Variants in ACAN observed in about 807,000 individuals in gnomAD.
ACAN encodes aggrecan.
In ACAN, 47 loss-of-function variants were observed where a neutral mutation model predicts 169.1. The ratio of observed to expected loss-of-function variants is 0.28; its 90% CI spans 0.22 to 0.35. ACAN has a LOEUF of 0.35. ACAN is among the 10% of genes least tolerant of loss of function. The pLI is 1.00. For missense variants in ACAN, 2,716 were observed against 2,759.9 expected (o/e 0.98, Z 0.36); for synonymous variants, 1,115 against 1,112.2 (o/e 1.00, Z -0.05).
Position 88,839,943 on chromosome 15 carries a change from G to A in ACAN, c.455-69G>A, listed in dbSNP as rs781576878. Reference sequence around the variant, plus strand: ...CCTTTGACTATTGCCATAATTCTGCGAGGGCCTCGGTGATCAGAGACTGTG... The same window carrying A: ...CCTTTGACTATTGCCATAATTCTGCAAGGGCCTCGGTGATCAGAGACTGTG... On this transcript the variant is annotated intron_variant, in intron 3 of 18. Transcript: ENST00000560601. The surrounding 1 kb of genome is among the most constrained non-coding windows in gnomAD (Gnocchi z 4.5). 3.0e-5 allele frequency: 46 copies of A among 1,532,606 alleles called. No homozygotes were observed. Among genetic ancestry groups the A allele is most frequent in the Non-Finnish European group, 4.0e-5 (45 of 1,131,302 alleles). The allele number at this position is 1,532,606 out of a possible 1,614,324, so 94.9% of individuals were successfully genotyped here.
In ACAN at chr15:88,807,810, G is replaced by A. The variant is rs957474355; in HGVS notation, c.-8+4001G>A. 6.6e-5 allele frequency among the ~76,000 whole-genome samples: 10 copies of A among 150,410 alleles called. No homozygotes were observed. The highest frequency in any genetic ancestry group is 2.2e-4 in the African/African-American group (9 of 40,934). ...TGCATGCTGGCAGGGCGGGCCCTGC[G>A]GGCTGGCCAGGCCTGTGAGAGGTGA... On this transcript the variant is annotated intron_variant, in intron 1 of 18. Transcript: ENST00000560601. The surrounding 1 kb of genome is among the most constrained non-coding windows in gnomAD (Gnocchi z 4.0).
intron 1 of ACAN, among the ~76,000 whole-genome samples, chr15:88,829,479 T>C (rs759735929): frequency 6.6e-6 from 1 of 152,166 alleles, no homozygotes; most frequent in African/African-American, 2.4e-5. Flanking sequence ...TGGCCAGATA[T>C]GCTCTTGGTG....
chr15:88,843,335 G>C lies in ACAN; in HGVS notation c.758-20G>C. Reference sequence around the variant, plus strand: ...GGAGGGGGGAGAAGACCCTTACCCAGCTGGCTGTGTCCTTCACAGGTGAGG... The same window carrying C: ...GGAGGGGGGAGAAGACCCTTACCCACCTGGCTGTGTCCTTCACAGGTGAGG... On this transcript the variant is annotated intron_variant, in intron 5 of 18. Coordinates refer to ENST00000560601, the MANE Select transcript of ACAN (RefSeq NM_001369268.1). The surrounding 1 kb of genome is among the most constrained non-coding windows in gnomAD (Gnocchi z 4.0). The C allele has an allele frequency of 6.5e-7, 1 of 1,544,960 alleles. No homozygotes were observed. The highest frequency in any genetic ancestry group is 8.8e-7 in the Non-Finnish European group (1 of 1,140,074).
intron 7 of ACAN, among the ~76,000 whole-genome samples, chr15:88,846,836 A>G (rs879583478): frequency 2.6e-5 from 4 of 152,232 alleles, no homozygotes; most frequent in Non-Finnish European, 5.9e-5. Context: ...AACAGAAGCC[A>G]CATAGCCCAC....
At position 88,837,145 on chromosome 15, in the gene ACAN, G is replaced by A. The variant is rs564365523; in HGVS notation, c.70+869G>A. ...CCATACCCCTGGTGGGAGCCACCCT[G>A]GGCCCAAGGGAGGGGCCAAGGAGTG... On this transcript the variant is annotated intron_variant, in intron 2 of 18. Coordinates refer to ENST00000560601, the MANE Select transcript of ACAN (RefSeq NM_001369268.1). Among the ~76,000 whole-genome samples, 12 of 152,276 alleles carry A rather than the reference G, an allele frequency of 7.9e-5. No homozygotes were observed. In the East Asian group the frequency reaches 2.3e-3, roughly 29 times the overall value.
In ACAN at chr15:88,847,402, G is replaced by A. The variant is rs544077619; in HGVS notation, c.1589G>A (p.Arg530Gln). ...GYEQCDAGWL[R>Q]DQTVRYPIVS... ...GAGCAGTGTGACGCCGGCTGGCTGC[G>A]GGACCAGACCGTCAGGTGAAGCCAT... Residue 530 changes from arginine to glutamine, a missense_variant, in exon 8 of 19, where the codon CGG (arginine) becomes CAG (glutamine). Around this residue, in one of 3 missense-constraint regions of ACAN, gnomAD observed 1,283 missense variants for 1,281.5 expected, o/e 1.00. Transcript: ENST00000560601. The A allele has an allele frequency of 5.6e-5, 89 of 1,577,912 alleles. No individual in the cohort carries two copies. The East Asian group carries it at 1.5e-3, about 27-fold the overall frequency.
In ACAN at chr15:88,845,728, G is replaced by A; in HGVS notation, c.1275G>A (p.Gly425=). Residue 425 remains glycine, a synonymous_variant, in exon 7 of 19, where the codon GGG becomes GGA. Transcript: ENST00000560601. ...CCTTCACGTTTGCCCCTGAAATAGG[G>A]GCCACTGCCTTCGCTGAGGTTGAGA... is the stretch of plus-strand genomic sequence containing the variant. ...EEPFTFAPEI[G]ATAFAEVENE... is the part of the protein sequence containing the mutation. 2 of 1,613,762 alleles carry A rather than the reference G, an allele frequency of 1.2e-6. No individual in the cohort carries two copies. The highest frequency in any genetic ancestry group is 4.5e-5 in the East Asian group (2 of 44,888).
At position 88,807,800 on chromosome 15, in the gene ACAN, C is replaced by T. The variant is rs977544373; in HGVS notation, c.-8+3991C>T. Among the ~76,000 whole-genome samples, 2 of 137,300 alleles carry T rather than the reference C, an allele frequency of 1.5e-5. No individual in the cohort carries two copies. The highest frequency in any genetic ancestry group is 7.6e-5 in the Admixed American group (1 of 13,164). The allele number at this position is 137,300 out of a possible 152,430, so 90.1% of individuals were successfully genotyped here. On this transcript the variant is annotated intron_variant, in intron 1 of 18. Transcript: ENST00000560601. The surrounding 1 kb of genome is among the most constrained non-coding windows in gnomAD (Gnocchi z 4.0). ...TGTGTGTGTGTGCATGCTGGCAGGG[C>T]GGGCCCTGCGGGCTGGCCAGGCCTG...
chr15:88,836,177 C>T (rs748913067), intron 1 of ACAN, 23 bp from the exon 2 acceptor site: 18 of 1,584,892 alleles, frequency 1.1e-5, no homozygotes, highest in Middle Eastern at 1.7e-4. Context: ...GTCTAAATAA[C>T]GCCTCTGCCT....
Position 88,856,915 on chromosome 15 carries a change from G to A in ACAN, c.4330G>A (p.Gly1444Arg). The change falls in exon 12 of 19, where the codon GGA (glycine) becomes AGA (arginine). Residue 1444 changes from glycine (G) to arginine (R), a missense_variant. By Grantham distance (125) the Gly-to-Arg change is moderately radical. Transcript: ENST00000560601. Reference sequence around the variant, plus strand: ...AGAAGTTCTAGAGACTACTGCCCCTGGAGTAGAGGAGATCAGCGGGCTTCC... The same window carrying A: ...AGAAGTTCTAGAGACTACTGCCCCTAGAGTAGAGGAGATCAGCGGGCTTCC... Reference protein sequence around the residue: ...SGEVLETTAPGVEEISGLPSG... With the variant: ...SGEVLETTAPRVEEISGLPSG... The A allele has an allele frequency of 6.2e-7, 1 of 1,606,524 alleles. No homozygotes were observed. The highest frequency in any genetic ancestry group is 2.2e-5 in the East Asian group (1 of 44,644).
chr15:88,814,431 G>A lies in ACAN; in HGVS notation c.-8+10622G>A, dbSNP rs1376359171. Among the ~76,000 whole-genome samples, 1 of 152,122 alleles carries A rather than the reference G, an allele frequency of 6.6e-6. No individual in the cohort carries two copies. The highest frequency in any genetic ancestry group is 2.4e-5 in the African/African-American group (1 of 41,426). ...TCTGCCTACTTATGCTCTTAAGATAGTCTTACCATCCTGGAGCAGAAAGGG... is the reference window on the plus strand; with the variant it reads ...TCTGCCTACTTATGCTCTTAAGATAATCTTACCATCCTGGAGCAGAAAGGG... On this transcript the variant is annotated intron_variant, in intron 1 of 18. Transcript: ENST00000560601. The surrounding 1 kb of genome is among the most constrained non-coding windows in gnomAD (Gnocchi z 4.0).
At chr15:88,829,673 G>A (rs1199390676) in intron 1 of ACAN, among the ~76,000 whole-genome samples, 1 of 152,136 alleles carries the variant, frequency 6.6e-6, no homozygotes, top group Non-Finnish European at 1.5e-5. Flanking sequence ...ACAGGAATGG[G>A]GCACCTTGGT....
intron 11 of ACAN, among the ~76,000 whole-genome samples, chr15:88,853,745 G>GATACATAC (rs1303267596): frequency 2.4e-5 from 3 of 124,806 alleles, no homozygotes; most frequent in Non-Finnish European, 3.6e-5. Context: ...ATGATAGATA[G>GATACATAC]ATAGATAGAT....
intron 11 of ACAN, among the ~76,000 whole-genome samples, chr15:88,854,556 G>C (rs1461776903): frequency 6.6e-6 from 1 of 152,174 alleles, no homozygotes; most frequent in Non-Finnish European, 1.5e-5. Context: ...AGTACAACCT[G>C]TGTAGCCCAT....
chr15:88,834,569 G>C (rs1232032254), intron 1 of ACAN, among the ~76,000 whole-genome samples: 3 of 152,248 alleles, frequency 2.0e-5, no homozygotes, highest in African/African-American at 7.2e-5. Context: ...GGCGAGAGTT[G>C]CTGAAATCTC....
Position 88,872,749 on chromosome 15 carries a change from T to A in ACAN, c.7303-132T>A. 8.6e-7 allele frequency: 1 copy of A among 1,162,044 alleles called. No homozygotes were observed. Among genetic ancestry groups the A allele is most frequent in the Non-Finnish European group, 1.2e-6 (1 of 830,828 alleles). The allele number at this position is 1,162,044 out of a possible 1,614,324, so 72.0% of individuals were successfully genotyped here. On this transcript the variant is annotated intron_variant, in intron 16 of 18. Transcript: ENST00000560601. This position sits in a 1 kb window ranked among gnomAD's most constrained non-coding sequence, Gnocchi z 5.4. ...AGATTCCCAGCAGTTTTTGTGCTGC[T>A]ATCAGATGAGCCTGAAGTTGGTGCT... is the stretch of plus-strand genomic sequence containing the variant.
chr15:88,819,593 G>A (rs1245087195), intron 1 of ACAN, among the ~76,000 whole-genome samples: 10 of 110,314 alleles, frequency 9.1e-5, no homozygotes, highest in African/African-American at 2.6e-4. Context: ...TGAGACTCTC[G>A]TCTCTACAAA....
At position 88,857,981 on chromosome 15, in the gene ACAN, C is replaced by T; in HGVS notation, c.5396C>T (p.Pro1799Leu). The change falls in exon 12 of 19, where the codon CCT (proline) becomes CTT (leucine). Residue 1799 changes from proline (P) to leucine (L), a missense_variant. By Grantham distance (98) the Pro-to-Leu change is moderately conservative (BLOSUM62 -3). Around this residue, in one of 3 missense-constraint regions of ACAN, gnomAD observed 1,389 missense variants for 1,363.7 expected, o/e 1.02. Coordinates refer to ENST00000560601, the MANE Select transcript of ACAN (RefSeq NM_001369268.1). ...TSGVPDLSGQ[P>L]SGLPGFSGAT... is the part of the protein sequence containing the mutation. Reference sequence around the variant, plus strand: ...GGGGTCCCTGATCTCAGTGGGCAGCCTTCAGGGTTACCAGGGTTCAGTGGG... The same window carrying T: ...GGGGTCCCTGATCTCAGTGGGCAGCTTTCAGGGTTACCAGGGTTCAGTGGG... 1 of 1,613,900 alleles carries T rather than the reference C, an allele frequency of 6.2e-7. No individual in the cohort carries two copies. Among genetic ancestry groups the T allele is most frequent in the East Asian group, 2.2e-5 (1 of 44,880 alleles).
chr15:88,867,595 T>A (rs545278012), intron 13 of ACAN, among the ~76,000 whole-genome samples: 2 of 152,280 alleles, frequency 1.3e-5, no homozygotes, highest in African/African-American at 4.8e-5. Context: ...TAAAATAATA[T>A]CTACTGAAGA....
Sources: gnomAD v4.1 joint callset for allele counts (sites outside exome capture counted in the v4.1 genomes callset) on GRCh38, gnomAD v4.1.1 for gene constraint, gnomAD v4.1.1 regional missense constraint, Gnocchi (gnomAD v3.1) non-coding constraint, MANE v1.5 for transcripts, NCBI Gene and HGNC (gene_info 2026-07-23, HGNC 2026-07-21) for gene names.